The following APPBP2 variants were observed in gnomAD, a reference collection of about 807,000 sequenced individuals.
The protein encoded by APPBP2 is amyloid protein-binding protein 2.
In APPBP2, 15 loss-of-function variants were observed where a neutral mutation model predicts 76.0. That is an observed-to-expected ratio of 0.20 (90% CI 0.13 to 0.30). APPBP2 has a LOEUF of 0.30. Ranked by LOEUF, APPBP2 falls within the 10% of genes least tolerant of loss-of-function variation. The probability of loss-of-function intolerance (pLI) is 1.00; values close to 1 mark genes in which losing one functional copy is unlikely to be tolerated. For synonymous variants in APPBP2, 222 were observed against 242.2 expected (o/e 0.92, Z 0.77); for missense variants, 401 against 687.2 (o/e 0.58, Z 4.66).
intron 3 of APPBP2, among the ~76,000 whole-genome samples, chr17:60,481,062 G>A (rs536658554): frequency 6.6e-6 from 1 of 152,236 alleles, no homozygotes; most frequent in South Asian, 2.1e-4. Context: ...CCTCCTAGAG[G>A]TCTAGATCCT....
rs116405800 is a variant in APPBP2 at position 60,445,205 on chromosome 17, C to G, written c.*2376G>C. On this transcript the variant is annotated 3_prime_UTR_variant, in exon 13 of 13. Coordinates refer to ENST00000083182, the MANE Select transcript of APPBP2 (RefSeq NM_006380.5). ...TAAAGTATATGGATTTACAAAAAAA[C>G]TACATTAAAGCAGTGGTGATAAGGA... 2,373 of 152,586 alleles carry G rather than the reference C, an allele frequency of 0.016. 61 individuals are homozygous for G. The highest frequency in any genetic ancestry group is 0.053 in the African/African-American group (2,190 of 41,498). 9.5% of individuals were successfully genotyped at this position (152,586 alleles called of 1,614,324 possible).
rs59428194 is a variant in APPBP2, at chr17:60,518,358, C to CGTGTGTGT, written c.138+7428_138+7435dup. 9.0e-5 allele frequency among the ~76,000 whole-genome samples: 8 copies of CGTGTGTGT among 89,096 alleles called. 1 individual carries two copies. The highest frequency in any genetic ancestry group is 3.1e-4 in the East Asian group (1 of 3,182). 58.5% of individuals were successfully genotyped at this position (89,096 alleles called of 152,430 possible). On this transcript the variant is annotated intron_variant, in intron 1 of 12. Transcript: ENST00000083182. ...TACCATGCCCAGCCGTGTGTGCGTG[C>CGTGTGTGT]GTGTGTGTGTGTGTGTGTGTGTGTG...
chr17:60,495,065 A>G (rs1359198473), intron 2 of APPBP2, among the ~76,000 whole-genome samples: 2 of 149,762 alleles, frequency 1.3e-5, no homozygotes, highest in African/African-American at 4.9e-5. Context: ...GCTCATTGCA[A>G]TCTCCACCTC....
intron 11 of APPBP2, among the ~76,000 whole-genome samples, chr17:60,452,408 C>T (rs895988670): frequency 6.6e-6 from 1 of 152,174 alleles, no homozygotes; most frequent in Non-Finnish European, 1.5e-5. Flanking sequence ...TTGGTTAACA[C>T]AGTTAACACA....
intron 1 of APPBP2, among the ~76,000 whole-genome samples, chr17:60,524,015 A>G (rs981602774): frequency 2.0e-5 from 3 of 152,216 alleles, no homozygotes; most frequent in African/African-American, 7.2e-5. Flanking sequence ...CACTTCCCTC[A>G]TCTTAGCACA....
rs987538712 is a variant in APPBP2, at chr17:60,503,245, T to C, written c.139-2758A>G. 5.5e-5 allele frequency among the ~76,000 whole-genome samples: 8 copies of C among 146,068 alleles called. 3 individuals are homozygous for C. The highest frequency in any genetic ancestry group is 2.2e-4 in the African/African-American group (8 of 35,698). On this transcript the variant is annotated intron_variant, in intron 1 of 12. Coordinates refer to ENST00000083182, the MANE Select transcript of APPBP2 (RefSeq NM_006380.5). ...CCAGGATGGTCTCGATTTCTTGACC[T>C]CATGATCCGCCCGCCTCAGCCTTCC...
At chr17:60,470,384 T>C (rs1567924258) in intron 4 of APPBP2, among the ~76,000 whole-genome samples, 1 of 151,806 alleles carries the variant, frequency 6.6e-6, no homozygotes, top group Admixed American at 6.6e-5. Context: ...CTCAGCCTCC[T>C]ACGTAGCTGA....
At chr17:60,459,005 T>C (rs1169993074) in intron 9 of APPBP2, among the ~76,000 whole-genome samples, 4 of 152,052 alleles carry the variant, frequency 2.6e-5, no homozygotes, top group Non-Finnish European at 5.9e-5. Context: ...TCTCCTGACC[T>C]CGTGATCTGC....
rs1047424505 is a variant in APPBP2, at chr17:60,444,880, T to G, written c.*2701A>C. The G allele has an allele frequency of 6.6e-6, 1 of 152,578 alleles. No homozygotes were observed. Among genetic ancestry groups the G allele is most frequent in the East Asian group, 1.9e-4 (1 of 5,186 alleles). The allele number at this position is 152,578 out of a possible 1,614,324, so 9.5% of individuals were successfully genotyped here. A position where few individuals can be genotyped will look rare whatever the true frequency, so the allele number is the denominator to read the frequency against. On this transcript the variant is annotated 3_prime_UTR_variant, in exon 13 of 13. Transcript: ENST00000083182. ...GGCCCCTAATTTAACATAACTTTGC[T>G]GAACCTCCAGAAAAATCTTTAAGTT... is the stretch of plus-strand genomic sequence containing the variant.
rs746452638 is a variant in APPBP2, at chr17:60,491,672, T to C, written c.379+2794A>G. On this transcript the variant is annotated intron_variant, in intron 3 of 12. Transcript: ENST00000083182. ...GTTGGCCAGGCTGGTCTCAAACTCC[T>C]GATATCAAAACAATCCACCCACCTT... Among the ~76,000 whole-genome samples the C allele has an allele frequency of 2.0e-5, 3 of 148,250 alleles. No homozygotes were observed. In the East Asian group the frequency reaches 5.8e-4, roughly 29 times the overall value.
chr17:60,483,973 T>A (rs922123922), intron 3 of APPBP2, among the ~76,000 whole-genome samples: 4 of 152,188 alleles, frequency 2.6e-5, no homozygotes, highest in African/African-American at 9.7e-5. Flanking sequence ...CCAGCACCAT[T>A]TATTAAATAG....
rs754632499 is a variant in APPBP2 at position 60,447,615 on chromosome 17, A to T, written c.1724T>A (p.Leu575Gln). The T allele has an allele frequency of 6.2e-7, 1 of 1,613,672 alleles. No individual in the cohort carries two copies. Among genetic ancestry groups the T allele is most frequent in the Admixed American group, 1.7e-5 (1 of 59,906 alleles). Residue 575 changes from leucine to glutamine, a missense_variant, in exon 13 of 13, where the codon CTG becomes CAG. By Grantham distance (113) the Leu-to-Gln change is moderately radical. Coordinates refer to ENST00000083182, the MANE Select transcript of APPBP2 (RefSeq NM_006380.5). ...QSTEEVVQSF[L>Q]ISQNVEGPSC ...CGGTCCCTCGACATTCTGAGAAATC[A>T]GGAAGGACTGCACCACTTCTTCAGT...
chr17:60,511,999 C>T (rs1598374414), intron 1 of APPBP2, among the ~76,000 whole-genome samples: 1 of 152,046 alleles, frequency 6.6e-6, no homozygotes, highest in Admixed American at 6.6e-5. Flanking sequence ...TCTTTGAAAC[C>T]CCAAATCTTC....
chr17:60,456,431 T>C (rs774749765), intron 9 of APPBP2, 50 bp from the exon 10 acceptor site: 6 of 1,184,362 alleles, frequency 5.1e-6, no homozygotes, highest in Non-Finnish European at 6.3e-6. Context: ...TTACAAATGA[T>C]TTAGGAATTT....
At position 60,446,100 on chromosome 17, in the gene APPBP2, A is replaced by C. The variant is rs1443997622; in HGVS notation, c.*1481T>G. The C allele has an allele frequency of 6.6e-6, 1 of 152,292 alleles. No individual in the cohort carries two copies. The highest frequency in any genetic ancestry group is 1.5e-5 in the Non-Finnish European group (1 of 68,034). 9.4% of individuals were successfully genotyped at this position (152,292 alleles called of 1,614,324 possible). On this transcript the variant is annotated 3_prime_UTR_variant, in exon 13 of 13. Coordinates refer to ENST00000083182, the MANE Select transcript of APPBP2 (RefSeq NM_006380.5). ...AAATTCAACACACATCCATTCACCC[A>C]CAGACTACTCCAAGCATTAGCTAGG...
Position 60,446,962 on chromosome 17 carries a change from A to G in APPBP2, c.*619T>C, listed in dbSNP as rs1247598640. ...GAAGTGCTGGTCTATCAGATTTTCT[A>G]TTACATTACAGATCAACACTGGTCC... On this transcript the variant is annotated 3_prime_UTR_variant, in exon 13 of 13. Coordinates refer to ENST00000083182, the MANE Select transcript of APPBP2 (RefSeq NM_006380.5). 1 of 152,250 alleles carries G rather than the reference A, an allele frequency of 6.6e-6. No individual in the cohort carries two copies. Among genetic ancestry groups the G allele is most frequent in the African/African-American group, 2.4e-5 (1 of 41,350 alleles). The allele number at this position is 152,250 out of a possible 1,614,324, so 9.4% of individuals were successfully genotyped here.
At chr17:60,458,305 G>T (rs2090446871) in intron 9 of APPBP2, among the ~76,000 whole-genome samples, 1 of 151,978 alleles carries the variant, frequency 6.6e-6, no homozygotes, top group African/African-American at 2.4e-5. Context: ...GTGGTGGCGT[G>T]TGCCTGTAAT....
intron 1 of APPBP2, among the ~76,000 whole-genome samples, chr17:60,505,282 T>G (rs551632493): frequency 6.6e-6 from 1 of 152,366 alleles, no homozygotes; most frequent in African/African-American, 2.4e-5. Context: ...TTTAAAACCT[T>G]TATTTAAATG....
rs140106478 is a variant in APPBP2 at position 60,491,573 on chromosome 17, T to C, written c.379+2893A>G. Among the ~76,000 whole-genome samples, 922 of 152,124 alleles carry C rather than the reference T, an allele frequency of 6.1e-3. 11 individuals are homozygous for C. The highest frequency in any genetic ancestry group is 0.021 in the African/African-American group (875 of 41,502). On this transcript the variant is annotated intron_variant, in intron 3 of 12. Transcript: ENST00000083182. Reference sequence around the variant, plus strand: ...GATTCTCCTGCCTCAGCCTCCCGAGTAGCTGAGATTACAGGCACCCGCCAA... The same window carrying C: ...GATTCTCCTGCCTCAGCCTCCCGAGCAGCTGAGATTACAGGCACCCGCCAA...
Sources: gnomAD v4.1 joint callset for allele counts (sites outside exome capture counted in the v4.1 genomes callset) on GRCh38, gnomAD v4.1.1 for gene constraint, MANE v1.5 for transcripts, NCBI Gene and HGNC (gene_info 2026-07-23, HGNC 2026-07-21) for gene names.